The following HYDIN variants were observed in gnomAD, a reference collection of about 807,000 sequenced individuals.
HYDIN encodes HYDIN axonemal central pair apparatus protein.
A neutral mutation model predicts 403.9 loss-of-function variants in HYDIN; 132 were observed. The observed-to-expected ratio is 0.33, with a 90% CI of 0.28 to 0.38. The LOEUF is 0.38. Among genes scored for constraint, HYDIN ranks in the 10% least tolerant of loss-of-function variants. HYDIN has a pLI of 1.00. For missense variants in HYDIN, 2,827 were observed against 5,009.5 expected (o/e 0.56, Z 13.15); for synonymous variants, 1,202 against 1,891.7 (o/e 0.64, Z 9.46).
At chr16:71,168,533 T>C (rs2086338121) in intron 5 of HYDIN, among the ~76,000 whole-genome samples, 1 of 150,718 alleles carries the variant, frequency 6.6e-6, no homozygotes, top group Non-Finnish European at 1.5e-5. Flanking sequence ...ATTTATCTTA[T>C]ACAAAGAAGT....
intron 57 of HYDIN, among the ~76,000 whole-genome samples, chr16:70,890,117 T>C (rs967662965): frequency 6.6e-6 from 1 of 152,250 alleles, no homozygotes. Context: ...TGTGATGTTT[T>C]TAAGGTTTAG....
At chr16:70,808,152 C>T in intron 85 of HYDIN, 90 bp from the exon 86 acceptor site, 2 of 1,403,980 alleles carry the variant, frequency 1.4e-6, no homozygotes, top group Non-Finnish European at 1.9e-6. Context: ...CACTCCTGGA[C>T]ATCAAGCAAC....
At position 71,067,326 on chromosome 16, in the gene HYDIN, A is replaced by T; in HGVS notation, c.2039T>A (p.Ile680Asn). 4.3e-6 allele frequency: 7 copies of T among 1,613,374 alleles called. No homozygotes were observed. The highest frequency in any genetic ancestry group is 5.9e-6 in the Non-Finnish European group (7 of 1,179,644). ...ELALVVDVEGIGEEVLALLIT... is the reference protein window; with the variant it reads ...ELALVVDVEGNGEEVLALLIT... ...TAAGAGCGCCAGCACCTCTTCTCCG[A>T]TGCCCTCCACGTCCACCACGAGTGC... is the stretch of plus-strand genomic sequence containing the variant. Residue 680 changes from isoleucine to asparagine, a missense_variant, in exon 15 of 86, where the codon ATC (isoleucine) becomes AAC (asparagine). Ile to Asn is a moderately radical substitution (Grantham distance 149, BLOSUM62 -3). Transcript: ENST00000393567.
At chr16:71,172,497 G>T (rs977476222) in intron 5 of HYDIN, among the ~76,000 whole-genome samples, 3 of 151,898 alleles carry the variant, frequency 2.0e-5, no homozygotes, top group Non-Finnish European at 4.4e-5. Context: ...AGGATTATTA[G>T]ATTAATAACA....
At chr16:71,178,343 CA>C (rs1397597777) in intron 4 of HYDIN, among the ~76,000 whole-genome samples, 21 of 150,230 alleles carry the variant, frequency 1.4e-4, no homozygotes, top group African/African-American at 4.9e-4. Flanking sequence ...CGCTTGAACC[CA>C]GGAGGCGGAG....
chr16:71,211,660 AT>A (rs1000988444), intron 1 of HYDIN, among the ~76,000 whole-genome samples: 11 of 150,780 alleles, frequency 7.3e-5, no homozygotes, highest in Admixed American at 6.6e-4. Flanking sequence ...AAAAAAAAAA[AT>A]CTCCCCTGGA....
chr16:71,206,891 T>C (rs1256640227), intron 1 of HYDIN, among the ~76,000 whole-genome samples: 1 of 151,958 alleles, frequency 6.6e-6, no homozygotes, highest in Admixed American at 6.6e-5. Context: ...AGAATAAAAA[T>C]GAATGAACAA....
Position 70,943,842 on chromosome 16 carries a change from A to C in HYDIN, c.6639T>G (p.Leu2213=). The C allele has an allele frequency of 6.2e-7, 1 of 1,613,426 alleles. No homozygotes were observed. Among genetic ancestry groups the C allele is most frequent in the Non-Finnish European group, 8.5e-7 (1 of 1,180,012 alleles). Residue 2213 remains leucine, a synonymous_variant, in exon 42 of 86, where the codon CTT becomes CTG. Coordinates refer to ENST00000393567, the MANE Select transcript of HYDIN (RefSeq NM_001270974.2). ...TCCGCTCTGCCAGGATCTGCACGAG[A>C]AGTTCATCCGGGAGCACACAGCTCA... The part of the protein sequence containing the change: ...GLMSCVLPDE[L]LVQILAERIQ...
At chr16:71,227,032 T>C (rs1222150084) in intron 1 of HYDIN, among the ~76,000 whole-genome samples, 2 of 152,148 alleles carry the variant, frequency 1.3e-5, no homozygotes, top group African/African-American at 2.4e-5. Context: ...ATCAAACCCC[T>C]GGCATTTCAG....
intron 45 of HYDIN, among the ~76,000 whole-genome samples, chr16:70,921,763 T>C (rs2077001248): frequency 6.6e-6 from 1 of 152,214 alleles, no homozygotes; most frequent in Non-Finnish European, 1.5e-5. Context: ...TTTTCAGTTA[T>C]TAAAACCACA....
intron 16 of HYDIN, among the ~76,000 whole-genome samples, chr16:71,063,522 T>C (rs1267326543): frequency 1.3e-5 from 2 of 152,214 alleles, no homozygotes; most frequent in Non-Finnish European, 2.9e-5. Context: ...CAGAAACAAC[T>C]TCCCCTGACC....
At chr16:71,221,012 A>G (rs1161979170) in intron 1 of HYDIN, among the ~76,000 whole-genome samples, 2 of 152,156 alleles carry the variant, frequency 1.3e-5, no homozygotes, top group Non-Finnish European at 2.9e-5. Context: ...GGAGCACTGA[A>G]ACAAATTTGG....
Position 71,031,704 on chromosome 16 carries a change from C to CT in HYDIN, c.2742dup (p.Glu915ArgfsTer9), listed in dbSNP as rs1690834808. 1 of 1,583,990 alleles carries CT rather than the reference C, an allele frequency of 6.3e-7. No individual in the cohort carries two copies. Among genetic ancestry groups the CT allele is most frequent in the Admixed American group, 1.7e-5 (1 of 57,994 alleles). ...CTAAAATGTGCCCCCAAATTGAGTT[C>CT]TGGAGCAAAGGGCTTATCTGAAACA... On this transcript the variant is annotated frameshift_variant, in exon 19 of 86. Coordinates refer to ENST00000393567, the MANE Select transcript of HYDIN (RefSeq NM_001270974.2). LOFTEE classifies it high-confidence loss of function.
At chr16:71,010,921 G>GC (rs1308941172) in intron 23 of HYDIN, among the ~76,000 whole-genome samples, 1 of 152,236 alleles carries the variant, frequency 6.6e-6, no homozygotes, top group African/African-American at 2.4e-5. Context: ...CCTGGCCCTG[G>GC]CCCCCTTAAG....
chr16:70,847,349 G>A (rs978417158), intron 75 of HYDIN, among the ~76,000 whole-genome samples: 21 of 152,256 alleles, frequency 1.4e-4, no homozygotes, highest in Non-Finnish European at 2.4e-4. Flanking sequence ...CATTTATACT[G>A]ATTTTATATA....
At chr16:70,880,533 C>A (rs1597207457) in intron 60 of HYDIN, among the ~76,000 whole-genome samples, 1 of 152,100 alleles carries the variant, frequency 6.6e-6, no homozygotes, top group South Asian at 2.1e-4. Flanking sequence ...GGTGATGGTG[C>A]CAGTCCCAAG....
At chr16:71,077,222 A>G (rs1424654831) in intron 13 of HYDIN, among the ~76,000 whole-genome samples, 4 of 152,104 alleles carry the variant, frequency 2.6e-5, no homozygotes, top group Non-Finnish European at 4.4e-5. Context: ...TTTAAAGTAC[A>G]TTATAATATC....
chr16:70,904,841 T>C (rs1322218152), intron 50 of HYDIN, among the ~76,000 whole-genome samples: 1 of 151,258 alleles, frequency 6.6e-6, no homozygotes, highest in African/African-American at 2.4e-5. Flanking sequence ...GTTTTAGAGA[T>C]GACCTCATTC....
chr16:70,843,163 G>C (rs1270086098), intron 75 of HYDIN, among the ~76,000 whole-genome samples: 89 of 143,044 alleles, frequency 6.2e-4, no homozygotes, highest in African/African-American at 2.3e-3. Context: ...TCTAGCATTA[G>C]GTATATCTCC....
Sources: allele counts gnomAD v4.1 joint callset (sites outside exome capture counted in the v4.1 genomes callset), GRCh38; gene constraint gnomAD v4.1.1; transcripts MANE v1.5; gene names NCBI Gene and HGNC (gene_info 2026-07-23, HGNC 2026-07-21).